LTBP4: variants seen among roughly 807,000 people sequenced by gnomAD.
The protein encoded by LTBP4 is latent transforming growth factor beta binding protein 4.
LTBP4 carries 93 observed loss-of-function variants against 180.2 expected under a neutral mutation model. That is an observed-to-expected ratio of 0.52 (90% confidence interval 0.44 to 0.61). The LOEUF (loss-of-function observed/expected upper bound fraction) is 0.61. LTBP4 is among the 20% of genes least tolerant of loss of function. The pLI, the probability that LTBP4 is intolerant of heterozygous loss-of-function variation, is 0.00. For missense variants in LTBP4, 2,116 were observed against 2,256.5 expected (o/e 0.94, Z 1.26); for synonymous variants, 947 against 934.5 (o/e 1.01, Z -0.24).
chr19:40,610,471 C>G, intron 11 of LTBP4, 61 bp from the exon 12 acceptor site: 5 of 1,538,420 alleles, frequency 3.3e-6, no homozygotes, highest in Non-Finnish European at 4.4e-6. Context: ...CCCCTGCCTC[C>G]TTGCGTCGCT....
Position 40,605,325 on chromosome 19 carries a change from G to A in LTBP4, c.443-80G>A. On this transcript the variant is annotated intron_variant, in intron 2 of 29. Transcript: ENST00000396819. The surrounding 1 kb of genome is among the most constrained non-coding windows in gnomAD (Gnocchi z 5.5). ...CCGCCTTCCCGAGCACCTTTGCCCA[G>A]CTCGCCCTCCCCGCCTTGTCTAGCC... 1 of 1,583,690 alleles carries A rather than the reference G, an allele frequency of 6.3e-7. No homozygotes were observed. Among genetic ancestry groups the A allele is most frequent in the South Asian group, 1.1e-5 (1 of 88,408 alleles).
intron 29 of LTBP4, among the ~76,000 whole-genome samples, chr19:40,628,882 C>T (rs1480572998): frequency 6.6e-6 from 1 of 151,452 alleles, no homozygotes; most frequent in Non-Finnish European, 1.5e-5. Flanking sequence ...CAGAGACTCA[C>T]TCTGTCGCCC....
At chr19:40,597,041 C>T (rs1044064829), upstream of LTBP4, among the ~76,000 whole-genome samples, 2 of 152,172 alleles carry the variant, frequency 1.3e-5, no homozygotes, top group African/African-American at 4.8e-5. Context: ...TCCCTGCTGC[C>T]TCCTGATTGG....
In LTBP4 at chr19:40,622,896, C is replaced by A; in HGVS notation, c.3485-54C>A. On this transcript the variant is annotated intron_variant, in intron 23 of 29. Transcript: ENST00000396819. This position sits in a 1 kb window ranked among gnomAD's most constrained non-coding sequence, Gnocchi z 5.1. ...TTGTGACAAGTGGGCACGAGCAGGTCAGGGCTGGGGCTGGGGCTCTGGTGT... is the reference window on the plus strand; with the variant it reads ...TTGTGACAAGTGGGCACGAGCAGGTAAGGGCTGGGGCTGGGGCTCTGGTGT... 1 of 1,567,440 alleles carries A rather than the reference C, an allele frequency of 6.4e-7. No homozygotes were observed. The highest frequency in any genetic ancestry group is 1.4e-5 in the African/African-American group (1 of 73,958).
In LTBP4 at chr19:40,609,753, C is replaced by T. The variant is rs770031212; in HGVS notation, c.1566C>T (p.Asp522=). 1.2e-5 allele frequency: 20 copies of T among 1,611,990 alleles called. No individual in the cohort carries two copies. The highest frequency in any genetic ancestry group is 5.0e-5 in the Admixed American group (3 of 59,938). The stretch of plus-strand genomic sequence containing the variant: ...CCCCCTCCGTGTCCTCAGATGTGGA[C>T]GAATGTCGCCGCGTGCCCCCGCCCT... ...SPQGTRCIDV[D]ECRRVPPPCA... The change falls in exon 11 of 30, where the codon GAC becomes GAT. Residue 522 remains aspartate, a synonymous_variant. Coordinates refer to ENST00000396819, the MANE Select transcript of LTBP4 (RefSeq NM_001042545.2). The surrounding 1 kb of genome is among the most constrained non-coding windows in gnomAD (Gnocchi z 4.9).
intron 11 of LTBP4, 69 bp from the exon 12 acceptor site, chr19:40,610,463 C>G: frequency 6.6e-7 from 1 of 1,526,692 alleles, no homozygotes; most frequent in Non-Finnish European, 8.8e-7. Context: ...TCCCTCTACC[C>G]CTGCCTCCTT....
At chr19:40,628,387 T>G (rs1197021557) in intron 29 of LTBP4, among the ~76,000 whole-genome samples, 1 of 152,056 alleles carries the variant, frequency 6.6e-6, no homozygotes, top group Non-Finnish European at 1.5e-5. Flanking sequence ...AATACAAAAT[T>G]AGCCGGGTGT....
At position 40,613,754 on chromosome 19, in the gene LTBP4, T is replaced by A; in HGVS notation, c.2558-162T>A. On this transcript the variant is annotated intron_variant, in intron 17 of 29. Coordinates refer to ENST00000396819, the MANE Select transcript of LTBP4 (RefSeq NM_001042545.2). The surrounding 1 kb of genome is among the most constrained non-coding windows in gnomAD (Gnocchi z 5.0). ...GACCGTGATTGTAAAGAAGCTGTTC[T>A]AAACCCGTCGGGGGGCGGTGTTTGC... The A allele has an allele frequency of 7.7e-7, 1 of 1,291,038 alleles. No individual in the cohort carries two copies. Among genetic ancestry groups the A allele is most frequent in the Non-Finnish European group, 1.1e-6 (1 of 925,242 alleles). 80.0% of individuals were successfully genotyped at this position (1,291,038 alleles called of 1,614,324 possible).
chr19:40,627,991 G>A (rs2081650159), intron 29 of LTBP4, 134 bp downstream of exon 29: 1 of 1,238,080 alleles, frequency 8.1e-7, no homozygotes, highest in African/African-American at 1.5e-5. Context: ...GCGCAAAAGG[G>A]AGGAGTAATT....
At chr19:40,593,247 G>A in intron 1 of LTBP4, 1 of 1,593,392 alleles carries the variant, frequency 6.3e-7, no homozygotes, top group Non-Finnish European at 8.6e-7. Flanking sequence ...TTTTGTTTTT[G>A]TTTGTTTGTT....
intron 1 of LTBP4, among the ~76,000 whole-genome samples, chr19:40,604,233 C>T (rs2081442933): frequency 6.6e-6 from 1 of 151,904 alleles, no homozygotes; most frequent in Non-Finnish European, 1.5e-5. Flanking sequence ...GGTTTAGAAT[C>T]CCGCGGGTAG....
Position 40,616,985 on chromosome 19 carries a change from C to T in LTBP4, c.2909C>T (p.Pro970Leu), listed in dbSNP as rs200667255. The change falls in exon 20 of 30, where the codon CCT (proline) becomes CTT (leucine). Residue 970 changes from proline (P) to leucine (L), a missense_variant. Around this residue, in one of 5 missense-constraint regions of LTBP4, gnomAD observed 877 missense variants for 873.6 expected, o/e 1.00. Transcript: ENST00000396819. ...TACCGCTGCACACCAGCCTGTGACCCTGGCTATCAGCCCACGCCAGGGGGC... is the reference window on the plus strand; with the variant it reads ...TACCGCTGCACACCAGCCTGTGACCTTGGCTATCAGCCCACGCCAGGGGGC... Reference protein sequence around the residue: ...GSYRCTPACDPGYQPTPGGGC... With the variant: ...GSYRCTPACDLGYQPTPGGGC... The T allele has an allele frequency of 3.7e-6, 6 of 1,613,980 alleles. No homozygotes were observed. Among genetic ancestry groups the T allele is most frequent in the Non-Finnish European group, 5.1e-6 (6 of 1,179,836 alleles).
At chr19:40,607,267 CA>C in intron 6 of LTBP4, 97 bp from the exon 7 acceptor site, 24 of 593,156 alleles carry the variant, frequency 4.0e-5, no homozygotes, top group South Asian at 1.3e-4. Flanking sequence ...ACCAACCCCC[CA>C]CCCCCAACCC....
intron 21 of LTBP4, 33 bp downstream of exon 21, chr19:40,617,258 G>C (rs762169238): frequency 3.1e-6 from 5 of 1,598,186 alleles, no homozygotes; most frequent in Non-Finnish European, 4.3e-6. Flanking sequence ...TGGGACCAAA[G>C]GGGGTGGGGG....
intron 9 of LTBP4, 144 bp downstream of exon 9, chr19:40,608,747 C>T: frequency 1.1e-6 from 1 of 882,872 alleles, no homozygotes; most frequent in South Asian, 1.7e-5. Context: ...CCTGTCTCTA[C>T]TAAAACTACA....
chr19:40,600,085 C>T (rs1392237101), upstream of LTBP4: 5 of 1,264,164 alleles, frequency 4.0e-6, no homozygotes, highest in Non-Finnish European at 5.0e-6. This position sits in a 1 kb window ranked among gnomAD's most constrained non-coding sequence, Gnocchi z 4.4. Context: ...GAGGCCAGAG[C>T]TCTACTGAAG....
intron 11 of LTBP4, 193 bp from the exon 12 acceptor site, chr19:40,610,339 C>A: frequency 1.6e-6 from 1 of 628,064 alleles, no homozygotes; most frequent in South Asian, 2.1e-5. Context: ...TCCTTTCTGC[C>A]CTTGCGCTAC....
rs1355690028 is a variant in LTBP4, at chr19:40,613,394, C to A, written c.2432-10C>A. 6.2e-7 allele frequency: 1 copy of A among 1,604,476 alleles called. No individual in the cohort carries two copies. The highest frequency in any genetic ancestry group is 1.7e-5 in the Admixed American group (1 of 59,048). Reference sequence around the variant, plus strand: ...TCCCGTGACTCCGCCCAATCTCCCGCGTACCCTAGACGTGAACGAGTGCCT... The same window carrying A: ...TCCCGTGACTCCGCCCAATCTCCCGAGTACCCTAGACGTGAACGAGTGCCT... On this transcript the variant is annotated splice_polypyrimidine_tract_variant and intron_variant, in intron 16 of 29. Transcript: ENST00000396819. This position sits in a 1 kb window ranked among gnomAD's most constrained non-coding sequence, Gnocchi z 5.0.
intron 15 of LTBP4, among the ~76,000 whole-genome samples, chr19:40,612,529 T>TA (rs1354640541): frequency 1.3e-5 from 2 of 152,314 alleles, no homozygotes; most frequent in South Asian, 4.1e-4. Context: ...TCATAACCAC[T>TA]AACCATAGCA....
Sources: gnomAD v4.1 joint callset for allele counts (sites outside exome capture counted in the v4.1 genomes callset) on GRCh38, gnomAD v4.1.1 for gene constraint, gnomAD v4.1.1 regional missense constraint, Gnocchi (gnomAD v3.1) non-coding constraint, MANE v1.5 for transcripts, NCBI Gene and HGNC (gene_info 2026-07-23, HGNC 2026-07-21) for gene names.